BACE2: variants seen among roughly 807,000 people sequenced by gnomAD.
BACE2 encodes the protein beta-secretase 2.
In BACE2, 17 loss-of-function variants were observed where a neutral mutation model predicts 46.2. The observed-to-expected ratio is 0.37, with a 90% CI of 0.25 to 0.55. The LOEUF is 0.55. Ranked by LOEUF, BACE2 falls within the 20% of genes least tolerant of loss-of-function variation. The pLI is 0.82. For missense variants in BACE2, 595 were observed against 698.1 expected, an observed-to-expected ratio of 0.85 and a Z score of 1.66; for synonymous variants, 277 against 295.9, an observed-to-expected ratio of 0.94 and a Z score of 0.66.
chr21:41,242,969 C>T lies in BACE2; in HGVS notation c.748-407C>T, dbSNP rs997722324. ...TCGCTCTGTCGCCCAGGCTGGAGTG[C>T]AGTGACGCGATCTCAGCTCACTGCA... On this transcript the variant is annotated intron_variant, in intron 4 of 8. Transcript: ENST00000330333. 1.5e-4 allele frequency among the ~76,000 whole-genome samples: 23 copies of T among 151,976 alleles called. 1 individual carries two copies. The highest frequency in any genetic ancestry group is 1.5e-3 in the Admixed American group (23 of 15,240).
chr21:41,173,501 G>T (rs1432136742), intron 1 of BACE2, among the ~76,000 whole-genome samples: 2 of 152,182 alleles, frequency 1.3e-5, no homozygotes, highest in Non-Finnish European at 2.9e-5. Flanking sequence ...CAGCACTTTG[G>T]GAGGCTGAGG....
At chr21:41,169,188 G>A (rs1267444312) in intron 1 of BACE2, among the ~76,000 whole-genome samples, 1 of 151,948 alleles carries the variant, frequency 6.6e-6, no homozygotes, top group African/African-American at 2.4e-5. Flanking sequence ...CTCGGAGTTG[G>A]TTTGTCAGCT....
At chr21:41,202,911 A>G (rs1403997232) in intron 1 of BACE2, among the ~76,000 whole-genome samples, 1 of 151,640 alleles carries the variant, frequency 6.6e-6, no homozygotes, top group African/African-American at 2.4e-5. Context: ...CAAAATGATG[A>G]CCCCCCAAGA....
chr21:41,242,890 G>GTTTTA lies in BACE2; in HGVS notation c.748-467_748-463dup, dbSNP rs960460970. Among the ~76,000 whole-genome samples, 7 of 152,054 alleles carry GTTTTA rather than the reference G, an allele frequency of 4.6e-5. No homozygotes were observed. The East Asian group carries it at 5.8e-4, about 13-fold the overall frequency. The stretch of plus-strand genomic sequence containing the variant: ...CAGACGTGGACCCATAAAATTCCTT[G>GTTTTA]TTTTATTTTATTTTATTTTATTTCA... On this transcript the variant is annotated intron_variant, in intron 4 of 8. Coordinates refer to ENST00000330333, the MANE Select transcript of BACE2 (RefSeq NM_012105.5).
In BACE2 at chr21:41,279,127, T is replaced by C. The variant is rs1176700473; in HGVS notation, c.*3503T>C. 2.0e-5 allele frequency: 3 copies of C among 152,106 alleles called. No homozygotes were observed. Among genetic ancestry groups the C allele is most frequent in the Non-Finnish European group, 4.4e-5 (3 of 68,022 alleles). 9.4% of individuals were successfully genotyped at this position (152,106 alleles called of 1,614,324 possible). A position where few individuals can be genotyped will look rare whatever the true frequency, so the allele number is the denominator to read the frequency against. On this transcript the variant is annotated 3_prime_UTR_variant, in exon 9 of 9. Coordinates refer to ENST00000330333, the MANE Select transcript of BACE2 (RefSeq NM_012105.5). The stretch of plus-strand genomic sequence containing the variant: ...TTTTTTTAATGCCGAGAAAAGTCCA[T>C]GCCACAGAAGTTATTGTGTATGTCT...
chr21:41,199,622 TAATTCA>T (rs1369265069), intron 1 of BACE2, among the ~76,000 whole-genome samples: 2 of 152,092 alleles, frequency 1.3e-5, no homozygotes, highest in African/African-American at 4.8e-5. Context: ...TTCCTTTTCT[TAATTCA>T]GCTCAGAAGG....
In BACE2 at chr21:41,205,835, A is replaced by G. The variant is rs1214420294; in HGVS notation, c.313-20431A>G. Among the ~76,000 whole-genome samples the G allele has an allele frequency of 3.9e-5, 6 of 152,318 alleles. No individual in the cohort carries two copies. In the South Asian group the frequency reaches 6.2e-4, roughly 16 times the overall value. ...GTCTTAACATCGGGTCATGAATTCA[A>G]TGGGGAACACTGTATCTTCTTCATC... On this transcript the variant is annotated intron_variant, in intron 1 of 8. Coordinates refer to ENST00000330333, the MANE Select transcript of BACE2 (RefSeq NM_012105.5).
intron 1 of BACE2, chr21:41,179,739 C>T: frequency 9.5e-7 from 1 of 1,051,010 alleles, no homozygotes; most frequent in South Asian, 1.4e-5. Flanking sequence ...GAGAATCAAG[C>T]TGAGGGTGCC....
intron 1 of BACE2, among the ~76,000 whole-genome samples, chr21:41,195,682 T>C (rs1601256057): frequency 6.6e-6 from 1 of 152,214 alleles, no homozygotes; most frequent in Admixed American, 6.5e-5. Flanking sequence ...ACACCTCTCC[T>C]CCCCGACTAT....
At chr21:41,261,077 CA>C (rs1344811396) in intron 8 of BACE2, among the ~76,000 whole-genome samples, 1 of 152,108 alleles carries the variant, frequency 6.6e-6, no homozygotes, top group Non-Finnish European at 1.5e-5. Context: ...TCTTAATTAA[CA>C]TTTGGATTAT....
Position 41,241,874 on chromosome 21 carries a change from C to T in BACE2, c.674C>T (p.Pro225Leu). ...FDSLVTQANI[P>L]NVFSMQMCGA... ...TCCCTGGTGACACAAGCAAACATCC[C>T]CAACGTTTTCTCCATGCAGATGTGT... is the stretch of plus-strand genomic sequence containing the variant. Residue 225 changes from proline to leucine, a missense_variant, in exon 4 of 9, where the codon CCC (proline) becomes CTC (leucine). Physicochemically the swap from Pro to Leu is moderately conservative, Grantham distance 98. This residue lies in a region of BACE2 where 343 missense variants were observed against 419.4 expected (regional missense o/e 0.82). Transcript: ENST00000330333. The T allele has an allele frequency of 6.2e-7, 1 of 1,614,170 alleles. No individual in the cohort carries two copies.
rs573963324 is a variant in BACE2 at position 41,279,080 on chromosome 21, T to C, written c.*3456T>C. 1.8e-4 allele frequency: 27 copies of C among 152,212 alleles called. No homozygotes were observed. Among genetic ancestry groups the C allele is most frequent in the African/African-American group, 6.0e-4 (25 of 41,528 alleles). The allele number at this position is 152,212 out of a possible 1,614,324, so 9.4% of individuals were successfully genotyped here. On this transcript the variant is annotated 3_prime_UTR_variant, in exon 9 of 9. Coordinates refer to ENST00000330333, the MANE Select transcript of BACE2 (RefSeq NM_012105.5). Reference sequence around the variant, plus strand: ...CACCATAAAGTGTAAAATTAGGGGTTCTGGCCAAGAGAGGTACTAGATTTT... The same window carrying C: ...CACCATAAAGTGTAAAATTAGGGGTCCTGGCCAAGAGAGGTACTAGATTTT...
At chr21:41,243,588 TG>T in intron 5 of BACE2, 78 bp downstream of exon 5, 1 of 1,430,482 alleles carries the variant, frequency 7.0e-7, no homozygotes. Context: ...AACCCGTAGA[TG>T]CCAATAGAAG....
intron 7 of BACE2, among the ~76,000 whole-genome samples, chr21:41,255,183 T>C (rs542274484): frequency 1.3e-5 from 2 of 152,184 alleles, no homozygotes; most frequent in African/African-American, 4.8e-5. Flanking sequence ...GCATTCAGGT[T>C]TTACAGGTTA....
chr21:41,260,307 A>C (rs1987902463), intron 8 of BACE2, among the ~76,000 whole-genome samples: 1 of 151,696 alleles, frequency 6.6e-6, no homozygotes, highest in African/African-American at 2.4e-5. Context: ...CCATGCCCAG[A>C]AAATTTTTGG....
chr21:41,237,400 C>T (rs1302510170), intron 2 of BACE2, 113 bp from the exon 3 acceptor site: 1 of 707,006 alleles, frequency 1.4e-6, no homozygotes, highest in African/African-American at 1.9e-5. Flanking sequence ...GAGCCAAGAT[C>T]CCGCCACTGC....
chr21:41,237,129 T>G (rs1212045303), intron 2 of BACE2, among the ~76,000 whole-genome samples: 1 of 152,156 alleles, frequency 6.6e-6, no homozygotes, highest in Non-Finnish European at 1.5e-5. Context: ...TCTTCATGGT[T>G]CGGGAACATG....
chr21:41,172,926 T>C (rs1379557575), intron 1 of BACE2, among the ~76,000 whole-genome samples: 1 of 152,206 alleles, frequency 6.6e-6, no homozygotes, highest in Admixed American at 6.5e-5. Context: ...CTCTTCTTAG[T>C]GTCTGATGGC....
At chr21:41,180,670 G>A (rs970574974) in intron 1 of BACE2, 4 of 167,152 alleles carry the variant, frequency 2.4e-5, no homozygotes, top group Admixed American at 2.0e-4. Flanking sequence ...TGAAAAACAG[G>A]TGAGACTTGG....
Sources: gnomAD v4.1 joint callset for allele counts (sites outside exome capture counted in the v4.1 genomes callset) on GRCh38, gnomAD v4.1.1 for gene constraint, gnomAD v4.1.1 regional missense constraint, MANE v1.5 for transcripts, NCBI Gene and HGNC (gene_info 2026-07-23, HGNC 2026-07-21) for gene names.